TENM3: variants seen among roughly 807,000 people sequenced by gnomAD.
TENM3 encodes the protein teneurin transmembrane protein 3.
In TENM3, 63 loss-of-function variants were observed where a neutral mutation model predicts 255.1. That is an observed-to-expected ratio of 0.25 (90% CI 0.20 to 0.30). The LOEUF is 0.30. Ranked by LOEUF, TENM3 falls within the 10% of genes least tolerant of loss-of-function variation. The pLI, the probability that TENM3 is intolerant of heterozygous loss-of-function variation, is 1.00. For synonymous variants in TENM3, 1,306 were observed against 1,322.3 expected, an observed-to-expected ratio of 0.99 and a Z score of 0.27; for missense variants, 2,929 against 3,461.1, an observed-to-expected ratio of 0.85 and a Z score of 3.86.
At chr4:182,624,410 G>A (rs1301488255) in intron 4 of TENM3, among the ~76,000 whole-genome samples, 1 of 152,142 alleles carries the variant, frequency 6.6e-6, no homozygotes, top group Non-Finnish European at 1.5e-5. Context: ...GCTTTGCCAG[G>A]TAGCTCTCTC....
chr4:181,456,647 CTTGTA>C, the TENM3 span, among the ~76,000 whole-genome samples: 19 of 151,594 alleles, frequency 1.3e-4, no homozygotes, highest in Admixed American at 5.3e-4. Flanking sequence ...TTATTCAGTA[CTTGTA>C]TTGATGAGTG....
intron 5 of TENM3, among the ~76,000 whole-genome samples, chr4:182,642,446 A>G (rs1752398040): frequency 6.6e-6 from 1 of 152,230 alleles, no homozygotes; most frequent in South Asian, 2.1e-4. Flanking sequence ...GAAAAAATGC[A>G]AGGAAACTTT....
chr4:181,974,545 G>A, the TENM3 span, among the ~76,000 whole-genome samples: 3 of 151,938 alleles, frequency 2.0e-5, no homozygotes, highest in African/African-American at 7.2e-5. Context: ...TCCAGCCTGG[G>A]CAACAGAGCG....
chr4:181,924,947 C>T, the TENM3 span, among the ~76,000 whole-genome samples: 19 of 152,136 alleles, frequency 1.2e-4, no homozygotes, highest in South Asian at 4.2e-4. Context: ...ATCTTATAAA[C>T]GGCAGGTTGA....
At chr4:181,447,620 G>A in the TENM3 span, among the ~76,000 whole-genome samples, 2 of 152,174 alleles carry the variant, frequency 1.3e-5, no homozygotes, top group African/African-American at 4.8e-5. Flanking sequence ...CAGGTGAAGA[G>A]CTGCTTCCTC....
the TENM3 span, among the ~76,000 whole-genome samples, chr4:181,574,499 CCGCAG>C: frequency 9.8e-4 from 149 of 151,468 alleles, 1 homozygote; most frequent in Non-Finnish European, 1.6e-3. Context: ...CCACTGCAGT[CCGCAG>C]TCCGGCCTGG....
chr4:181,466,617 C>T, the TENM3 span, among the ~76,000 whole-genome samples: 1 of 152,136 alleles, frequency 6.6e-6, no homozygotes, highest in African/African-American at 2.4e-5. Context: ...ACTATTTGGA[C>T]TATTTAAAAT....
chr4:182,628,600 C>A, intron 4 of TENM3, 51 bp from the exon 5 acceptor site: 2 of 1,243,840 alleles, frequency 1.6e-6, no homozygotes, highest in South Asian at 1.3e-5. Context: ...TCTCTTGTCT[C>A]TTGTATCGTA....
the TENM3 span, among the ~76,000 whole-genome samples, chr4:181,778,291 T>C: frequency 6.6e-6 from 1 of 152,182 alleles, no homozygotes; most frequent in South Asian, 2.1e-4. Context: ...TATTTTCTTA[T>C]TCTTAGTTTA....
In TENM3 at chr4:182,580,230, G is replaced by GTGT. The variant is rs140250393; in HGVS notation, c.512-20693_512-20691dup. Among the ~76,000 whole-genome samples the GTGT allele has an allele frequency of 5.3e-4, 80 of 152,196 alleles. 3 individuals are homozygous for GTGT. Among genetic ancestry groups the GTGT allele is most frequent in the African/African-American group, 1.8e-3 (76 of 41,528 alleles). ...TTAGTGTGACGCTATTAATAATGTA[G>GTGT]TGTAATGCTATTTTGGAAGTTTGGT... On this transcript the variant is annotated intron_variant, in intron 3 of 27. Coordinates refer to ENST00000511685, the MANE Select transcript of TENM3 (RefSeq NM_001080477.4).
chr4:181,638,358 C>T, the TENM3 span, among the ~76,000 whole-genome samples: 1 of 152,138 alleles, frequency 6.6e-6, no homozygotes, highest in Non-Finnish European at 1.5e-5. Context: ...CAGATAAGGC[C>T]GTGAAAGTTG....
chr4:182,486,502 A>G (rs1734736295), intron 3 of TENM3, among the ~76,000 whole-genome samples: 1 of 152,184 alleles, frequency 6.6e-6, no homozygotes, highest in South Asian at 2.1e-4. Flanking sequence ...TCACTGACAC[A>G]ACTAGTTACC....
At chr4:181,837,668 C>T in the TENM3 span, among the ~76,000 whole-genome samples, 1 of 152,164 alleles carries the variant, frequency 6.6e-6, no homozygotes, top group Non-Finnish European at 1.5e-5. Flanking sequence ...CATGCCTCCA[C>T]GTTCATCATC....
At chr4:182,698,098 G>C (rs576243999) in intron 12 of TENM3, 26 of 152,098 alleles carry the variant, frequency 1.7e-4, no homozygotes, top group Non-Finnish European at 2.9e-4. Flanking sequence ...TCTGCACTCT[G>C]AGCCAAATTC....
At chr4:182,419,045 C>T (rs911428517) in intron 3 of TENM3, among the ~76,000 whole-genome samples, 5 of 152,100 alleles carry the variant, frequency 3.3e-5, no homozygotes, top group Admixed American at 6.6e-5. Flanking sequence ...GCTGACAATT[C>T]GGCCTTACAA....
intron 3 of TENM3, among the ~76,000 whole-genome samples, chr4:182,370,330 C>T (rs756382327): frequency 4.6e-5 from 7 of 152,280 alleles, no homozygotes; most frequent in East Asian, 3.9e-4. Flanking sequence ...ACAAATAGAA[C>T]TTAAACTAAT....
chr4:182,218,406 A>G (rs1029670406), intron 1 of TENM3, among the ~76,000 whole-genome samples: 5 of 152,198 alleles, frequency 3.3e-5, no homozygotes, highest in Admixed American at 6.5e-5. Context: ...CGATAATTTC[A>G]TGATAACTTC....
At chr4:181,782,750 G>A in the TENM3 span, among the ~76,000 whole-genome samples, 110 of 152,094 alleles carry the variant, frequency 7.2e-4, no homozygotes, top group African/African-American at 2.5e-3. Flanking sequence ...TTTTTCTTGC[G>A]GGTGTTTAGT....
In TENM3 at chr4:182,290,977, C is replaced by T. The variant is rs569522627; in HGVS notation, c.-75-32969C>T. 1.7e-4 allele frequency among the ~76,000 whole-genome samples: 26 copies of T among 152,214 alleles called. No homozygotes were observed. In the South Asian group the frequency reaches 2.1e-3, roughly 12 times the overall value. On this transcript the variant is annotated intron_variant, in intron 1 of 27. Coordinates refer to ENST00000511685, the MANE Select transcript of TENM3 (RefSeq NM_001080477.4). ...CTGGGATTACAGGCACGCACCACCA[C>T]GCCTGGCTAATTTTTGTATTTTTAG...
Sources: allele counts gnomAD v4.1 joint callset (sites outside exome capture counted in the v4.1 genomes callset), GRCh38; gene constraint gnomAD v4.1.1; transcripts MANE v1.5; gene names NCBI Gene and HGNC (gene_info 2026-07-23, HGNC 2026-07-21).